Variants in RYR2 observed in about 807,000 individuals in gnomAD.
RYR2 encodes the protein ryanodine receptor 2, also known as cardiac muscle ryanodine receptor-calcium release channel.
A neutral mutation model predicts 601.1 loss-of-function variants in RYR2; 227 were observed. That is an observed-to-expected ratio of 0.38 (90% CI 0.34 to 0.42). RYR2 has a LOEUF of 0.42. Ranked by LOEUF, RYR2 falls within the 10% of genes least tolerant of loss-of-function variation. The pLI is 1.00. For synonymous variants in RYR2, 2,223 were observed against 2,175.1 expected (o/e 1.02, Z -0.61); for missense variants, 4,646 against 6,156.5 (o/e 0.75, Z 8.21).
At chr1:237,097,805 A>G (rs1433453502) in intron 1 of RYR2, among the ~76,000 whole-genome samples, 1 of 152,152 alleles carries the variant, frequency 6.6e-6, no homozygotes, top group African/African-American at 2.4e-5. Flanking sequence ...TGTCACCCCC[A>G]GGGATGGAGT....
Position 237,441,421 on chromosome 1 carries a change from C to A in RYR2, c.1108C>A (p.Leu370Ile). The A allele has an allele frequency of 6.2e-7, 1 of 1,611,002 alleles. No individual in the cohort carries two copies. The highest frequency in any genetic ancestry group is 1.1e-5 in the South Asian group (1 of 90,536). ...CTATATACAACATGTAGACACAGGC[C>A]TATGGCTTACTTACCAGTCTGTGGA... is the stretch of plus-strand genomic sequence containing the variant. ...VCYIQHVDTGLWLTYQSVDVK... is the reference protein window; with the variant it reads ...VCYIQHVDTGIWLTYQSVDVK... Residue 370 changes from leucine (L) to isoleucine (I), a missense_variant, in exon 13 of 105, where the codon CTA becomes ATA. Transcript: ENST00000366574.
chr1:237,203,788 T>C (rs1681465909), intron 1 of RYR2, among the ~76,000 whole-genome samples: 1 of 152,218 alleles, frequency 6.6e-6, no homozygotes, highest in Non-Finnish European at 1.5e-5. Context: ...ACACACATGT[T>C]ACCAAGCTCC....
intron 1 of RYR2, among the ~76,000 whole-genome samples, chr1:237,233,079 G>C (rs946797358): frequency 1.3e-5 from 2 of 152,128 alleles, no homozygotes; most frequent in Non-Finnish European, 2.9e-5. Flanking sequence ...CAGAACGATA[G>C]GATATAGAAG....
At chr1:237,108,834 C>T (rs1254748027) in intron 1 of RYR2, among the ~76,000 whole-genome samples, 1 of 152,172 alleles carries the variant, frequency 6.6e-6, no homozygotes, top group Non-Finnish European at 1.5e-5. Context: ...TCCAGTTTTG[C>T]ACTTTTGGTA....
At chr1:237,323,710 G>A (rs758788179) in intron 2 of RYR2, among the ~76,000 whole-genome samples, 1 of 152,140 alleles carries the variant, frequency 6.6e-6, no homozygotes, top group Non-Finnish European at 1.5e-5. Flanking sequence ...GGTCTTTGTA[G>A]CCGCAATGTA....
intron 44 of RYR2, 121 bp downstream of exon 44, chr1:237,635,113 G>A: frequency 1.6e-6 from 1 of 642,838 alleles, no homozygotes. Context: ...GTGACATTAT[G>A]GCCAAAACCG....
At chr1:237,333,416 C>G (rs1017210156) in intron 3 of RYR2, among the ~76,000 whole-genome samples, 1 of 152,216 alleles carries the variant, frequency 6.6e-6, no homozygotes, top group Admixed American at 6.5e-5. Flanking sequence ...ACAGCCCCAG[C>G]CACAGCGTTG....
intron 80 of RYR2, among the ~76,000 whole-genome samples, chr1:237,754,576 A>G (rs998776763): frequency 2.0e-5 from 3 of 152,200 alleles, no homozygotes; most frequent in African/African-American, 7.2e-5. Flanking sequence ...TGAAAATGAT[A>G]GGACAGTTTC....
chr1:237,067,132 C>G lies in RYR2; in HGVS notation c.48+24563C>G, dbSNP rs143335376. Among the ~76,000 whole-genome samples, 101 of 152,174 alleles carry G rather than the reference C, an allele frequency of 6.6e-4. No homozygotes were observed. In the East Asian group the frequency reaches 0.019, roughly 29 times the overall value. On this transcript the variant is annotated intron_variant, in intron 1 of 104. Transcript: ENST00000366574. The stretch of plus-strand genomic sequence containing the variant: ...CCCTCTCAACAGTCTTTCAAAAAAA[C>G]AGAAGTTTTTAATTTTGATGAAGTA...
chr1:237,418,043 A>T (rs113617666), intron 11 of RYR2, among the ~76,000 whole-genome samples: 47,320 of 151,304 alleles, frequency 0.31, 8,028 homozygotes, highest in East Asian at 0.43. Flanking sequence ...TTAATTAATT[A>T]ATTTATTTAT....
intron 84 of RYR2, among the ~76,000 whole-genome samples, chr1:237,764,402 ATTTTTTTTT>A (rs59485547): frequency 3.4e-4 from 24 of 69,960 alleles, no homozygotes; most frequent in Admixed American, 1.4e-3. Flanking sequence ...CTTAGGTAGC[ATTTTTTTTT>A]TTTTTTTTTT....
chr1:237,731,933 A>C, intron 77 of RYR2, 113 bp from the exon 78 acceptor site: 2 of 600,348 alleles, frequency 3.3e-6, no homozygotes, highest in East Asian at 3.0e-5. Flanking sequence ...ACAACAGGGA[A>C]GGAGGAACGT....
chr1:237,249,988 C>T (rs1015301281), intron 1 of RYR2, among the ~76,000 whole-genome samples: 3 of 152,168 alleles, frequency 2.0e-5, no homozygotes, highest in African/African-American at 7.2e-5. Context: ...TCAGTCTACT[C>T]TTCGATTTAC....
At position 237,451,684 on chromosome 1, in the gene RYR2, A is replaced by G. The variant is rs181975509; in HGVS notation, c.1293-2707A>G. Among the ~76,000 whole-genome samples, 26 of 152,116 alleles carry G rather than the reference A, an allele frequency of 1.7e-4. 1 individual carries two copies. The East Asian group carries it at 4.6e-3, about 27-fold the overall frequency. ...GATTACTGAGCATTTTAAAGAGCAT[A>G]TGCTTTTCAGTAAAATATTTTATTC... On this transcript the variant is annotated intron_variant, in intron 14 of 104. Coordinates refer to ENST00000366574, the MANE Select transcript of RYR2 (RefSeq NM_001035.3).
chr1:237,780,108 T>C (rs551247165), intron 88 of RYR2, among the ~76,000 whole-genome samples: 1 of 151,610 alleles, frequency 6.6e-6, no homozygotes, highest in South Asian at 2.1e-4. Context: ...TGACATGCAG[T>C]CTTGAACAGT....
intron 12 of RYR2, among the ~76,000 whole-genome samples, chr1:237,427,186 T>C (rs1172283991): frequency 6.6e-6 from 1 of 152,006 alleles, no homozygotes; most frequent in Non-Finnish European, 1.5e-5. Context: ...AGAAGTAAAG[T>C]GTTACTAAAG....
intron 16 of RYR2, among the ~76,000 whole-genome samples, chr1:237,468,184 T>C (rs1660296060): frequency 6.6e-6 from 1 of 152,166 alleles, no homozygotes. Flanking sequence ...GTGATTATTC[T>C]TATAGAGACA....
chr1:237,734,355 AACTC>A (rs1471994856), intron 79 of RYR2, among the ~76,000 whole-genome samples: 10 of 152,142 alleles, frequency 6.6e-5, no homozygotes, highest in Non-Finnish European at 1.2e-4. Context: ...ATCTTGTGAG[AACTC>A]ACTCACTATC....
chr1:237,042,970 G>T (rs1276137214), intron 1 of RYR2, among the ~76,000 whole-genome samples: 12 of 152,056 alleles, frequency 7.9e-5, no homozygotes, highest in Admixed American at 7.9e-4. Flanking sequence ...GGTGGCCCGT[G>T]GGGGCGCGGG....
Sources: gnomAD v4.1 joint callset for allele counts (sites outside exome capture counted in the v4.1 genomes callset) on GRCh38, gnomAD v4.1.1 for gene constraint, MANE v1.5 for transcripts, NCBI Gene and HGNC (gene_info 2026-07-23, HGNC 2026-07-21) for gene names.